Variants in HMCES observed in about 807,000 individuals in gnomAD.
The protein encoded by HMCES is 5-hydroxymethylcytosine binding, ES cell specific.
Under a neutral mutation model 35.1 loss-of-function variants are expected in HMCES, and 27 were observed. The observed-to-expected ratio is 0.77, with a 90% CI of 0.57 to 1.06. The LOEUF (loss-of-function observed/expected upper bound fraction) is 1.06. Ranked by LOEUF, HMCES falls within the 50% of genes least tolerant of loss-of-function variation. The pLI, the probability that HMCES is intolerant of heterozygous loss-of-function variation, is 0.00. For missense variants in HMCES, 391 were observed against 430.4 expected (o/e 0.91, Z 0.81); for synonymous variants, 130 against 154.7 (o/e 0.84, Z 1.18).
intron 2 of HMCES, among the ~76,000 whole-genome samples, chr3:129,281,098 T>C (rs1255626263): frequency 2.6e-5 from 4 of 152,106 alleles, no homozygotes; most frequent in Middle Eastern, 3.4e-3. Context: ...GGCACGCACC[T>C]GTAGTCCCAG....
chr3:129,292,473 C>G (rs56131156), intron 4 of HMCES, among the ~76,000 whole-genome samples: 79,663 of 147,790 alleles, frequency 0.54, 24,605 homozygotes, highest in Non-Finnish European at 0.67. Context: ...GCCTGGGTAA[C>G]AGAGAAAAGT....
rs372026845 is a variant in HMCES, at chr3:129,287,232, G to GT, written c.184-1614dup. 2.8e-3 allele frequency among the ~76,000 whole-genome samples: 404 copies of GT among 143,920 alleles called. 1 individual carries two copies. The highest frequency in any genetic ancestry group is 0.011 in the African/African-American group (382 of 35,072). The allele number at this position is 143,920 out of a possible 152,430, so 94.4% of individuals were successfully genotyped here. A position where few individuals can be genotyped will look rare whatever the true frequency, so the allele number is the denominator to read the frequency against. ...GGGTTTTTTTGTTTTGTTTTGTTTT[G>GT]TTTTTTTTGAGAGAAGGTCCTGCTC... On this transcript the variant is annotated intron_variant, in intron 2 of 6. Coordinates refer to ENST00000383463, the MANE Select transcript of HMCES (RefSeq NM_020187.3).
At chr3:129,292,485 T>A (rs2071032675) in intron 4 of HMCES, among the ~76,000 whole-genome samples, 1 of 150,258 alleles carries the variant, frequency 6.7e-6, no homozygotes, top group East Asian at 2.0e-4. Context: ...GAGAAAAGTT[T>A]TTTTTTTTCT....
intron 5 of HMCES, among the ~76,000 whole-genome samples, chr3:129,301,464 G>A (rs2071168555): frequency 6.6e-6 from 1 of 152,162 alleles, no homozygotes; most frequent in African/African-American, 2.4e-5. Context: ...AAAACTGGAA[G>A]CTAAACCTAG....
Position 129,305,154 on chromosome 3 carries a change from C to CT in HMCES, c.*331dup. 1 of 286,370 alleles carries CT rather than the reference C, an allele frequency of 3.5e-6. No individual in the cohort carries two copies. The highest frequency in any genetic ancestry group is 6.5e-6 in the Non-Finnish European group (1 of 153,368). 17.7% of individuals were successfully genotyped at this position (286,370 alleles called of 1,614,324 possible). ...AAGTCTCTGCCCTGATCTGGTACTC[C>CT]TTGTAGTAAGCTGTTTTCTGCTCAG... On this transcript the variant is annotated 3_prime_UTR_variant, in exon 7 of 7. Transcript: ENST00000383463.
At chr3:129,301,296 CCATT>C (rs899145632) in intron 5 of HMCES, among the ~76,000 whole-genome samples, 5 of 151,592 alleles carry the variant, frequency 3.3e-5, no homozygotes, top group Non-Finnish European at 7.4e-5. Context: ...ATCTAAATCA[CCATT>C]CATTTAAAAA....
intron 4 of HMCES, 63 bp downstream of exon 4, chr3:129,290,867 G>A (rs1027553443): frequency 4.1e-5 from 62 of 1,496,696 alleles, no homozygotes; most frequent in Non-Finnish European, 5.3e-5. Flanking sequence ...TTAATCCAAA[G>A]GACATTTTTT....
chr3:129,288,897 G>A lies in HMCES; in HGVS notation c.227G>A (p.Gly76Asp), dbSNP rs753065352. ...SERIIAPMRW[G>D]LVPSWFKESD... ...CGTATCATTGCTCCCATGCGCTGGG[G>A]CTTGGTCCCTTCTTGGTTCAAAGAA... is the stretch of plus-strand genomic sequence containing the variant. Residue 76 changes from glycine to aspartate, a missense_variant, in exon 3 of 7, where the codon GGC becomes GAC. By Grantham distance (94) the Gly-to-Asp change is moderately conservative. Coordinates refer to ENST00000383463, the MANE Select transcript of HMCES (RefSeq NM_020187.3). 3.8e-6 allele frequency: 6 copies of A among 1,598,896 alleles called. No individual in the cohort carries two copies. In the East Asian group the frequency reaches 1.1e-4, roughly 30 times the overall value.
rs187111572 is a variant in HMCES at position 129,292,684 on chromosome 3, C to T, written c.453+1880C>T. ...ATTTTTTGTATTTTTAGTAGAGACG[C>T]GGTGTTAGCCAGAATGGTCTCAATC... On this transcript the variant is annotated intron_variant, in intron 4 of 6. Coordinates refer to ENST00000383463, the MANE Select transcript of HMCES (RefSeq NM_020187.3). Among the ~76,000 whole-genome samples, 422 of 151,482 alleles carry T rather than the reference C, an allele frequency of 2.8e-3. 2 individuals carry two copies. The highest frequency in any genetic ancestry group is 9.2e-3 in the African/African-American group (380 of 41,366).
At chr3:129,290,845 C>G (rs555028428) in intron 4 of HMCES, 41 bp downstream of exon 4, 2 of 1,570,064 alleles carry the variant, frequency 1.3e-6, no homozygotes, top group Admixed American at 3.5e-5. Context: ...TGGAAAGGCA[C>G]AGGGAAACAA....
At chr3:129,302,715 CA>C (rs1380656500) in intron 6 of HMCES, among the ~76,000 whole-genome samples, 1 of 148,832 alleles carries the variant, frequency 6.7e-6, no homozygotes, top group Admixed American at 6.7e-5. Context: ...GACTGCGTTT[CA>C]AAAAAAAGAA....
intron 4 of HMCES, among the ~76,000 whole-genome samples, chr3:129,297,214 G>A (rs62266905): frequency 0.12 from 18,697 of 151,966 alleles, 1,293 homozygotes; most frequent in Middle Eastern, 0.24. Context: ...TCTTCCAGAA[G>A]TAGACTGCTT....
At chr3:129,281,780 G>A (rs1272982159) in intron 2 of HMCES, among the ~76,000 whole-genome samples, 1 of 151,546 alleles carries the variant, frequency 6.6e-6, no homozygotes, top group Non-Finnish European at 1.5e-5. Context: ...GGGGCAGTGG[G>A]ATCTCTTGAG....
At chr3:129,285,267 C>T (rs1940604272) in intron 2 of HMCES, among the ~76,000 whole-genome samples, 1 of 152,050 alleles carries the variant, frequency 6.6e-6, no homozygotes, top group South Asian at 2.1e-4. Context: ...TGTTTTTAAT[C>T]CTTACCTTAG....
chr3:129,296,760 GTTTTGT>G (rs900822017), intron 4 of HMCES, among the ~76,000 whole-genome samples: 2 of 152,142 alleles, frequency 1.3e-5, no homozygotes, highest in Middle Eastern at 6.8e-3. Flanking sequence ...CAGTGCCTTT[GTTTTGT>G]TTTTGTTTTT....
At position 129,279,220 on chromosome 3, in the gene HMCES, C is replaced by G. The variant is rs1451516144; in HGVS notation, c.-24+315C>G. ...GGCCCACAGGTTCGCAGGTCGGGCC[C>G]GGGGACGCTGCGGACTAGCGGGCGG... On this transcript the variant is annotated intron_variant, in intron 1 of 6. Transcript: ENST00000383463. This position sits in a 1 kb window ranked among gnomAD's most constrained non-coding sequence, Gnocchi z 4.2. The G allele has an allele frequency of 6.4e-6, 1 of 155,224 alleles. No homozygotes were observed. The highest frequency in any genetic ancestry group is 2.4e-5 in the African/African-American group (1 of 41,414). 9.6% of individuals were successfully genotyped at this position (155,224 alleles called of 1,614,324 possible).
chr3:129,299,064 T>C (rs1415564908), intron 5 of HMCES, among the ~76,000 whole-genome samples: 1 of 152,138 alleles, frequency 6.6e-6, no homozygotes, highest in Non-Finnish European at 1.5e-5. Flanking sequence ...AAGAGAATGG[T>C]GTGACCCCGG....
intron 4 of HMCES, 133 bp from the exon 5 acceptor site, chr3:129,298,221 G>A (rs2107696567): frequency 1.3e-6 from 1 of 744,120 alleles, no homozygotes; most frequent in South Asian, 1.8e-5. Context: ...TTTGGTGACA[G>A]AGGGGTTAAT....
intron 2 of HMCES, among the ~76,000 whole-genome samples, chr3:129,280,710 G>A (rs1472172550): frequency 6.6e-6 from 1 of 152,052 alleles, no homozygotes; most frequent in African/African-American, 2.4e-5. Flanking sequence ...CACGTATTTG[G>A]TTTGGTTATC....
Sources: allele counts gnomAD v4.1 joint callset (sites outside exome capture counted in the v4.1 genomes callset), GRCh38; gene constraint gnomAD v4.1.1; non-coding constraint Gnocchi (gnomAD v3.1); transcripts MANE v1.5; gene names NCBI Gene and HGNC (gene_info 2026-07-23, HGNC 2026-07-21).